The following GPALPP1 variants were observed in gnomAD, a reference collection of about 807,000 sequenced individuals.
GPALPP1 encodes GPALPP motifs containing 1, also known as GPALPP motifs-containing protein 1.
A neutral mutation model predicts 38.9 loss-of-function variants in GPALPP1; 30 were observed. The observed-to-expected ratio is 0.77, with a 90% CI of 0.58 to 1.05. GPALPP1 has a LOEUF of 1.05. Among genes scored for constraint, GPALPP1 ranks in the 50% least tolerant of loss-of-function variants. GPALPP1 has a pLI of 0.00. For missense variants in GPALPP1, 384 were observed against 408.8 expected, an observed-to-expected ratio of 0.94 and a Z score of 0.52; for synonymous variants, 120 against 139.2, an observed-to-expected ratio of 0.86 and a Z score of 0.97.
In GPALPP1 at chr13:44,989,550, C is replaced by A; in HGVS notation, c.-105C>A. On this transcript the variant is annotated 5_prime_UTR_variant, in exon 1 of 8. Coordinates refer to ENST00000379151, the MANE Select transcript of GPALPP1 (RefSeq NM_018559.5). The stretch of plus-strand genomic sequence containing the variant: ...CCACAGGCTTTACGTCATTTCTCGG[C>A]GCCGGGAAACCTGCCATTCTTCGCT... 1 of 1,504,580 alleles carries A rather than the reference C, an allele frequency of 6.6e-7. No homozygotes were observed. The highest frequency in any genetic ancestry group is 9.2e-7 in the Non-Finnish European group (1 of 1,090,896). 93.2% of individuals were successfully genotyped at this position (1,504,580 alleles called of 1,614,324 possible).
chr13:45,018,217 GA>G (rs1490184902), intron 6 of GPALPP1, among the ~76,000 whole-genome samples: 1 of 152,090 alleles, frequency 6.6e-6, no homozygotes, highest in Non-Finnish European at 1.5e-5. Flanking sequence ...CTAACATGGT[GA>G]AACCCTGTCT....
chr13:44,997,362 C>T (rs1026321522), intron 1 of GPALPP1, among the ~76,000 whole-genome samples: 5 of 152,132 alleles, frequency 3.3e-5, no homozygotes, highest in African/African-American at 7.2e-5. Context: ...TGTCCCCCAA[C>T]GTCATGTCAT....
At chr13:45,010,155 C>T (rs1444366783) in intron 4 of GPALPP1, among the ~76,000 whole-genome samples, 1 of 152,194 alleles carries the variant, frequency 6.6e-6, no homozygotes, top group African/African-American at 2.4e-5. Flanking sequence ...TGTGACCACA[C>T]TGGGCTCCTT....
downstream of GPALPP1, chr13:45,034,169 G>A (rs893469496): frequency 6.6e-6 from 1 of 152,222 alleles, no homozygotes; most frequent in Admixed American, 6.5e-5. Context: ...AAATGCCTCA[G>A]TGTATGCTAG....
At chr13:45,033,101 T>TTACTTATA (rs1876282702), downstream of GPALPP1, 1 of 152,026 alleles carries the variant, frequency 6.6e-6, no homozygotes, top group Admixed American at 6.5e-5. Flanking sequence ...TCAGAATAGA[T>TTACTTATA]CAATGGTTAT....
At chr13:44,990,419 T>G in intron 1 of GPALPP1, 1 of 154,670 alleles carries the variant, frequency 6.5e-6, no homozygotes, top group Non-Finnish European at 1.4e-5. Flanking sequence ...CCTTTCCAGA[T>G]TCCCCGAAGC....
intron 4 of GPALPP1, among the ~76,000 whole-genome samples, chr13:45,012,078 C>T (rs1208761214): frequency 1.3e-5 from 2 of 152,178 alleles, no homozygotes; most frequent in Non-Finnish European, 2.9e-5. Flanking sequence ...GGACTACAGT[C>T]GTTTTAGAGA....
downstream of GPALPP1, chr13:45,031,502 G>T (rs570740326): frequency 2.1e-4 from 32 of 152,074 alleles, no homozygotes; most frequent in Non-Finnish European, 3.7e-4. Context: ...GGATATTTCT[G>T]TATTATATAT....
chr13:45,017,791 ATGTTT>A (rs1874979450), intron 6 of GPALPP1, among the ~76,000 whole-genome samples: 1 of 152,194 alleles, frequency 6.6e-6, no homozygotes, highest in African/African-American at 2.4e-5. Flanking sequence ...CTGTGCTGAA[ATGTTT>A]TGTTTAGTAT....
At chr13:44,991,960 T>C (rs927616339) in intron 1 of GPALPP1, among the ~76,000 whole-genome samples, 3 of 152,270 alleles carry the variant, frequency 2.0e-5, no homozygotes, top group Non-Finnish European at 2.9e-5. Context: ...TTTACATTGC[T>C]ATATAGTCAT....
chr13:45,001,676 C>T (rs1157139016), intron 1 of GPALPP1: 1 of 151,850 alleles, frequency 6.6e-6, no homozygotes, highest in Non-Finnish European at 1.5e-5. Flanking sequence ...GCAAATCAAA[C>T]CTTTTTTTTT....
intron 4 of GPALPP1, among the ~76,000 whole-genome samples, chr13:45,014,420 C>G (rs1487433318): frequency 6.6e-6 from 1 of 152,034 alleles, no homozygotes; most frequent in Non-Finnish European, 1.5e-5. Context: ...AAAAAATATA[C>G]TGGCCTTGAT....
chr13:45,011,446 G>T (rs1220557892), intron 4 of GPALPP1, among the ~76,000 whole-genome samples: 1 of 152,130 alleles, frequency 6.6e-6, no homozygotes, highest in African/African-American at 2.4e-5. Flanking sequence ...TAGCATGGCT[G>T]GGGAGGCCTC....
chr13:45,027,833 A>G lies in GPALPP1; in HGVS notation c.853A>G (p.Lys285Glu). The part of the protein sequence containing the change: ...SLMDIHHKKL[K>E]SKAAEDKNKP... The stretch of plus-strand genomic sequence containing the variant: ...TATGGACATACATCATAAAAAGTTA[A>G]AGAGTAAGGCTGCTGAAGACAAAAA... The change falls in exon 8 of 8, where the codon AAG becomes GAG. Residue 285 changes from lysine to glutamate, a missense_variant. Physicochemically the swap from Lys to Glu is moderately conservative, Grantham distance 56 (BLOSUM62 1). Coordinates refer to ENST00000379151, the MANE Select transcript of GPALPP1 (RefSeq NM_018559.5). 6.2e-7 allele frequency: 1 copy of G among 1,603,240 alleles called. No homozygotes were observed. Among genetic ancestry groups the G allele is most frequent in the African/African-American group, 1.3e-5 (1 of 74,822 alleles).
At chr13:44,989,993 G>T (rs1202268608) in intron 1 of GPALPP1, 11 of 570,310 alleles carry the variant, frequency 1.9e-5, no homozygotes, top group Non-Finnish European at 3.4e-5. Context: ...AATATGAGCT[G>T]CACGCTGCCC....
Position 45,004,326 on chromosome 13 carries a change from CT to C in GPALPP1, c.111del (p.Asn38IlefsTer73). On this transcript the variant is annotated frameshift_variant, in exon 2 of 8. Coordinates refer to ENST00000379151, the MANE Select transcript of GPALPP1 (RefSeq NM_018559.5). LOFTEE classifies it high-confidence loss of function. ...PSPVAGPALP[P>X]NYKSSSSDSS... ...TTAGTTGCAGGACCAGCTCTGCCCC[CT>C]AATTATAAAAGCAGTAGTTCAGATT... 6.2e-7 allele frequency: 1 copy of C among 1,612,062 alleles called. No homozygotes were observed.
intron 7 of GPALPP1, among the ~76,000 whole-genome samples, chr13:45,021,716 T>G (rs1875444471): frequency 6.6e-6 from 1 of 150,766 alleles, no homozygotes; most frequent in African/African-American, 2.4e-5. Flanking sequence ...TAATGGAAGT[T>G]AGAAAAATGT....
intron 1 of GPALPP1, chr13:44,990,043 G>GA (rs954849035): frequency 1.8e-5 from 9 of 512,032 alleles, no homozygotes; most frequent in African/African-American, 1.4e-4. Context: ...AGCCGTATAA[G>GA]AAAAAAACTA....
chr13:44,992,106 A>G (rs1398134300), intron 1 of GPALPP1, among the ~76,000 whole-genome samples: 1 of 152,212 alleles, frequency 6.6e-6, no homozygotes, highest in African/African-American at 2.4e-5. Context: ...CCAGCTTCCA[A>G]AGTCACCAAA....
Sources: gnomAD v4.1 joint callset for allele counts (sites outside exome capture counted in the v4.1 genomes callset) on GRCh38, gnomAD v4.1.1 for gene constraint, MANE v1.5 for transcripts, NCBI Gene and HGNC (gene_info 2026-07-23, HGNC 2026-07-21) for gene names.